SATB2: variants seen among roughly 807,000 people sequenced by gnomAD.
SATB2 encodes DNA-binding protein SATB2.
SATB2 carries 1 observed loss-of-function variant against 73.4 expected under a neutral mutation model. That is an observed-to-expected ratio of 0.01 (90% confidence interval 0.00 to 0.06). The LOEUF (loss-of-function observed/expected upper bound fraction) is 0.06. Among genes scored for constraint, SATB2 ranks in the 10% least tolerant of loss-of-function variants. The pLI is 1.00. For missense variants in SATB2, 459 were observed against 945.8 expected (o/e 0.49, Z 6.75); for synonymous variants, 397 against 367.0 (o/e 1.08, Z -0.93).
At chr2:199,300,213 C>A (rs1000320078) in intron 10 of SATB2, among the ~76,000 whole-genome samples, 2 of 150,798 alleles carry the variant, frequency 1.3e-5, no homozygotes, top group East Asian at 2.0e-4. Flanking sequence ...AGGAAGGAAG[C>A]GGAAGGGGAA....
Position 199,357,833 on chromosome 2 carries a change from C to A in SATB2, c.701-8660G>T, listed in dbSNP as rs75744522. Among the ~76,000 whole-genome samples the A allele has an allele frequency of 3.3e-3, 500 of 152,212 alleles. 1 individual carries two copies. The highest frequency in any genetic ancestry group is 0.011 in the African/African-American group (476 of 41,538). On this transcript the variant is annotated intron_variant, in intron 6 of 10. Transcript: ENST00000417098. ...TGACTGATGAAAGATATGAATCACA[C>A]AGCAGAGAGCTTTCTCAGGTACCCT...
At chr2:199,292,831 T>C (rs2105744838) in intron 10 of SATB2, among the ~76,000 whole-genome samples, 1 of 152,326 alleles carries the variant, frequency 6.6e-6, no homozygotes, top group South Asian at 2.1e-4. Flanking sequence ...AAGTAGATTG[T>C]ATTAATGATG....
chr2:199,452,031 T>A (rs187408186), intron 2 of SATB2, among the ~76,000 whole-genome samples: 383 of 152,226 alleles, frequency 2.5e-3, no homozygotes, highest in African/African-American at 8.6e-3. Flanking sequence ...CAAGTTTTTT[T>A]AATAAAAAAA....
chr2:199,346,103 C>A (rs1235106185), intron 7 of SATB2, among the ~76,000 whole-genome samples: 1 of 151,498 alleles, frequency 6.6e-6, no homozygotes, highest in Non-Finnish European at 1.5e-5. Context: ...GCCACGAGGC[C>A]AGTAAGAAAA....
At chr2:199,381,602 T>C in intron 4 of SATB2, 92 bp downstream of exon 4, 1 of 1,530,160 alleles carries the variant, frequency 6.5e-7, no homozygotes, top group South Asian at 1.1e-5. Flanking sequence ...GTCCAGAAAT[T>C]AATAGACAGG....
intron 3 of SATB2, among the ~76,000 whole-genome samples, chr2:199,404,780 A>T (rs952932608): frequency 9.9e-5 from 15 of 152,228 alleles, no homozygotes; most frequent in African/African-American, 3.4e-4. Context: ...ATTATATCAC[A>T]TTGATCAGAA....
rs376618338 is a variant in SATB2 at position 199,364,109 on chromosome 2, T to C, written c.700+4496A>G. On this transcript the variant is annotated intron_variant, in intron 6 of 10. Coordinates refer to ENST00000417098, the MANE Select transcript of SATB2 (RefSeq NM_001172509.2). ...ATGGAACCAGGTCAGGGGACATTGA[T>C]TTCTCTATTCAACTCCAAGGCACCA... 3.0e-4 allele frequency among the ~76,000 whole-genome samples: 45 copies of C among 152,346 alleles called. No individual in the cohort carries two copies. In the East Asian group the frequency reaches 8.5e-3, roughly 29 times the overall value.
In SATB2 at chr2:199,433,906, T is replaced by TA. The variant is rs1691577195; in HGVS notation, c.170-393dup. On this transcript the variant is annotated intron_variant, in intron 2 of 10. Transcript: ENST00000417098. ...TCTATTTCAAAGCTTCCAGTTGTAA[T>TA]AAATATATTACTTTTACACGTAAAA... is the stretch of plus-strand genomic sequence containing the variant. Among the ~76,000 whole-genome samples, 3 of 152,066 alleles carry TA rather than the reference T, an allele frequency of 2.0e-5. No homozygotes were observed. The South Asian group carries it at 6.2e-4, about 32-fold the overall frequency.
intron 10 of SATB2, among the ~76,000 whole-genome samples, chr2:199,291,590 G>T (rs1022882915): frequency 2.7e-4 from 41 of 152,124 alleles, no homozygotes; most frequent in African/African-American, 8.9e-4. Context: ...TGAGCAACGA[G>T]TTCTATCAAA....
At chr2:199,325,640 C>G (rs951585109) in intron 8 of SATB2, among the ~76,000 whole-genome samples, 8 of 152,144 alleles carry the variant, frequency 5.3e-5, no homozygotes, top group South Asian at 2.1e-4. Context: ...ATTCAGTTTT[C>G]TTAATTTGCC....
intron 8 of SATB2, among the ~76,000 whole-genome samples, chr2:199,328,313 A>G (rs1036777517): frequency 4.6e-5 from 7 of 152,112 alleles, no homozygotes; most frequent in Non-Finnish European, 1.0e-4. Flanking sequence ...GACCAAGGCA[A>G]GCGGATCACC....
intron 8 of SATB2, chr2:199,326,173 G>A (rs1005945688): frequency 1.1e-4 from 17 of 152,052 alleles, no homozygotes; most frequent in African/African-American, 4.1e-4. Context: ...AGATATGACT[G>A]TAAAGAATTT....
chr2:199,352,464 G>A (rs758551508), intron 6 of SATB2, among the ~76,000 whole-genome samples: 3 of 152,112 alleles, frequency 2.0e-5, no homozygotes, highest in East Asian at 3.9e-4. Flanking sequence ...ATTCTTTAAG[G>A]TTATATATAA....
intron 6 of SATB2, among the ~76,000 whole-genome samples, chr2:199,353,021 A>T (rs1465757042): frequency 6.6e-6 from 1 of 152,132 alleles, no homozygotes; most frequent in African/African-American, 2.4e-5. Context: ...ACTACCAAGA[A>T]TGAAAAAAGA....
chr2:199,304,992 C>T (rs1286566766), intron 10 of SATB2, among the ~76,000 whole-genome samples: 2 of 151,864 alleles, frequency 1.3e-5, no homozygotes, highest in African/African-American at 2.4e-5. Flanking sequence ...CTTAAGCATG[C>T]AAAAAATTTT....
Position 199,289,574 on chromosome 2 carries a change from G to A in SATB2, c.1741-16902C>T, listed in dbSNP as rs544957260. Among the ~76,000 whole-genome samples the A allele has an allele frequency of 2.6e-4, 39 of 150,234 alleles. 1 individual carries two copies. The highest frequency in any genetic ancestry group is 9.1e-4 in the African/African-American group (37 of 40,816). ...CATATTTGCTTACCCTGTGTAGGTC[G>A]TCTTCAGAAACTGGAACTGTCAAGT... On this transcript the variant is annotated intron_variant, in intron 10 of 10. Coordinates refer to ENST00000417098, the MANE Select transcript of SATB2 (RefSeq NM_001172509.2).
chr2:199,366,927 C>T (rs202111372), intron 6 of SATB2, among the ~76,000 whole-genome samples: 2 of 129,060 alleles, frequency 1.5e-5, no homozygotes, highest in Admixed American at 1.6e-4. Flanking sequence ...CACACAAACA[C>T]ACACACACAT....
chr2:199,395,667 A>C (rs1248585623), intron 3 of SATB2, among the ~76,000 whole-genome samples: 5 of 152,200 alleles, frequency 3.3e-5, no homozygotes. Flanking sequence ...AATCACATCT[A>C]TGTGACAGAT....
chr2:199,396,582 T>C (rs1690308060), intron 3 of SATB2: 1 of 152,150 alleles, frequency 6.6e-6, no homozygotes, highest in African/African-American at 2.4e-5. Flanking sequence ...AACCACGATG[T>C]CCTCAGAGAG....
Sources: allele counts gnomAD v4.1 joint callset (sites outside exome capture counted in the v4.1 genomes callset), GRCh38; gene constraint gnomAD v4.1.1; transcripts MANE v1.5; gene names NCBI Gene and HGNC (gene_info 2026-07-23, HGNC 2026-07-21).